The following NCOR2 variants were observed in gnomAD, a reference collection of about 807,000 sequenced individuals.
NCOR2 encodes the protein nuclear receptor corepressor 2.
In NCOR2, 81 loss-of-function variants were observed where a neutral mutation model predicts 262.9. That is an observed-to-expected ratio of 0.31 (90% CI 0.26 to 0.37). NCOR2 has a LOEUF of 0.37. Ranked by LOEUF, NCOR2 falls within the 10% of genes least tolerant of loss-of-function variation. The probability of loss-of-function intolerance (pLI) is 1.00; values close to 1 mark genes in which losing one functional copy is unlikely to be tolerated. For missense variants in NCOR2, 3,385 were observed against 3,621.4 expected, an observed-to-expected ratio of 0.93 and a Z score of 1.68; for synonymous variants, 1,659 against 1,559.3, an observed-to-expected ratio of 1.06 and a Z score of -1.51.
At chr12:124,415,233 T>C (rs1411579815) in intron 13 of NCOR2, among the ~76,000 whole-genome samples, 2 of 152,180 alleles carry the variant, frequency 1.3e-5, no homozygotes, top group African/African-American at 2.4e-5. Flanking sequence ...GCACCTCCCG[T>C]CCGTCACCGC....
intron 1 of NCOR2, among the ~76,000 whole-genome samples, chr12:124,550,798 C>T (rs1176861614): frequency 1.3e-5 from 2 of 152,324 alleles, no homozygotes; most frequent in East Asian, 3.9e-4. Context: ...CCCAGCAAAG[C>T]CCCCGTGGAG....
rs2045753325 is a variant in NCOR2 at position 124,454,909 on chromosome 12, C to T, written c.762+2197G>A. On this transcript the variant is annotated intron_variant, in intron 6 of 46. Transcript: ENST00000405201. The surrounding 1 kb of genome is among the most constrained non-coding windows in gnomAD (Gnocchi z 5.6). ...AAATATGCAAACAATCTCACGTCCACCGACTGATGAGTGGGTAAACAACAC... is the reference window on the plus strand; with the variant it reads ...AAATATGCAAACAATCTCACGTCCATCGACTGATGAGTGGGTAAACAACAC... Among the ~76,000 whole-genome samples, 1 of 152,168 alleles carries T rather than the reference C, an allele frequency of 6.6e-6. No homozygotes were observed. The highest frequency in any genetic ancestry group is 2.1e-4 in the South Asian group (1 of 4,826).
chr12:124,461,955 CAT>C (rs1196136727), intron 5 of NCOR2, among the ~76,000 whole-genome samples: 2 of 152,208 alleles, frequency 1.3e-5, no homozygotes, highest in Non-Finnish European at 2.9e-5. Context: ...CGCTTATACA[CAT>C]GTGCACACAG....
chr12:124,355,662 G>T (rs2037890517), intron 23 of NCOR2, 91 bp from the exon 26 acceptor site: 4 of 1,442,250 alleles, frequency 2.8e-6, no homozygotes, highest in Non-Finnish European at 3.6e-6. Context: ...CCTCTTCCCT[G>T]TCCTGGCCAG....
chr12:124,367,120 C>G (rs1488463441), intron 20 of NCOR2, among the ~76,000 whole-genome samples: 1 of 152,116 alleles, frequency 6.6e-6, no homozygotes, highest in African/African-American at 2.4e-5. Context: ...GCAGTCTGCC[C>G]GAGAGCTCGC....
In NCOR2 at chr12:124,517,626, G is replaced by A. The variant is rs1238382873; in HGVS notation, c.-118+17939C>T. On this transcript the variant is annotated intron_variant, in intron 1 of 46. Coordinates refer to the NCOR2 transcript ENST00000404621. This position sits in a 1 kb window ranked among gnomAD's most constrained non-coding sequence, Gnocchi z 7.6. ...GCCTCGGGAGCGCCCACGATCACAT[G>A]CCCTCCTGAAGTCAACTCCGGGAAC... Among the ~76,000 whole-genome samples the A allele has an allele frequency of 1.3e-5, 2 of 152,280 alleles. No homozygotes were observed. Among genetic ancestry groups the A allele is most frequent in the South Asian group, 4.1e-4 (2 of 4,826 alleles).
At chr12:124,358,605 A>G (rs1390614449) in intron 22 of NCOR2, among the ~76,000 whole-genome samples, 1 of 152,140 alleles carries the variant, frequency 6.6e-6, no homozygotes, top group Non-Finnish European at 1.5e-5. Context: ...GACACATTTT[A>G]CAGAGGGGAA....
chr12:124,440,569 T>C lies in NCOR2; in HGVS notation c.816-2573A>G, dbSNP rs949873352. Among the ~76,000 whole-genome samples the C allele has an allele frequency of 2.6e-5, 4 of 152,266 alleles. No homozygotes were observed. Among genetic ancestry groups the C allele is most frequent in the African/African-American group, 9.6e-5 (4 of 41,472 alleles). Reference sequence around the variant, plus strand: ...TCTATGGCATCGCAGCCTCATCTTCTGTTATTCAATAACTGTTTACTGAGC... The same window carrying C: ...TCTATGGCATCGCAGCCTCATCTTCCGTTATTCAATAACTGTTTACTGAGC... On this transcript the variant is annotated intron_variant, in intron 7 of 46. Transcript: ENST00000405201. The surrounding 1 kb of genome is among the most constrained non-coding windows in gnomAD (Gnocchi z 5.7).
chr12:124,390,339 G>A (rs1035708092), intron 16 of NCOR2, among the ~76,000 whole-genome samples: 2 of 152,208 alleles, frequency 1.3e-5, no homozygotes, highest in East Asian at 1.9e-4. Context: ...TGGGTCACTC[G>A]TGTGTGCCCC....
At position 124,374,254 on chromosome 12, in the gene NCOR2, T is replaced by C. The variant is rs1430243123; in HGVS notation, c.2218+159A>G. 2.6e-5 allele frequency among the ~76,000 whole-genome samples: 4 copies of C among 152,188 alleles called. No homozygotes were observed. The East Asian group carries it at 7.7e-4, about 29-fold the overall frequency. On this transcript the variant is annotated intron_variant, in intron 19 of 46. Transcript: ENST00000405201. ...CGGGACCAGCATGGGGAACAGCCAC[T>C]GTGCTGGGAAGGAAGCCCAGAGGCC...
rs199516198 is a variant in NCOR2 at position 124,333,211 on chromosome 12, G to A, written c.6674C>T (p.Pro2225Leu). ...GTGCCCTGGCTCCGTCATGCCCTCC[G>A]GTGGGGACACAGGTTCAATACCGTC... The change falls in exon 42 of 47, where the codon CCG (proline) becomes CTG (leucine). Residue 2225 changes from proline (P) to leucine (L), a missense_variant. Transcript: ENST00000405201. 3.0e-5 allele frequency: 49 copies of A among 1,612,958 alleles called. No individual in the cohort carries two copies. The highest frequency in any genetic ancestry group is 1.9e-4 in the African/African-American group (14 of 74,888).
exon 20 of NCOR2, chr12:124,372,279 C>A (rs1241596979): frequency 1.3e-6 from 2 of 1,560,306 alleles, no homozygotes; most frequent in Non-Finnish European, 8.7e-7. Context: ...CCACTGCCAG[C>A]TCCTCAGCCG....
rs2049915087 is a variant in NCOR2, at chr12:124,517,857, T to C, written c.-118+17708A>G. Among the ~76,000 whole-genome samples, 1 of 152,042 alleles carries C rather than the reference T, an allele frequency of 6.6e-6. No individual in the cohort carries two copies. Among genetic ancestry groups the C allele is most frequent in the Non-Finnish European group, 1.5e-5 (1 of 67,996 alleles). On this transcript the variant is annotated intron_variant, in intron 1 of 46. Transcript: ENST00000404621. This position sits in a 1 kb window ranked among gnomAD's most constrained non-coding sequence, Gnocchi z 7.6. ...TCCGATGAGACAGCCCTGCCCACCA[T>C]CCCGCTGAGCTCAGGGCCGACAACA... is the stretch of plus-strand genomic sequence containing the variant.
chr12:124,429,373 G>A (rs2043785473), intron 10 of NCOR2: 5 of 545,574 alleles, frequency 9.2e-6, no homozygotes, highest in Admixed American at 3.3e-5. Flanking sequence ...GGAGCGCCAG[G>A]GCCCTCCCTG....
At chr12:124,385,385 C>T (rs894447738) in intron 17 of NCOR2, among the ~76,000 whole-genome samples, 32 of 152,190 alleles carry the variant, frequency 2.1e-4, no homozygotes, top group Admixed American at 1.4e-3. Context: ...CATTCCAACG[C>T]GCTGACAGCC....
At chr12:124,449,842 G>A in exon 7 of NCOR2, 4 of 1,614,114 alleles carry the variant, frequency 2.5e-6, no homozygotes, top group Non-Finnish European at 3.4e-6. Context: ...ATACTGCCGG[G>A]TGTCGGAGGG....
chr12:124,369,400 C>CTGGAACA (rs2039301149), intron 20 of NCOR2, among the ~76,000 whole-genome samples: 1 of 152,116 alleles, frequency 6.6e-6, no homozygotes, highest in Non-Finnish European at 1.5e-5. Flanking sequence ...GAACACAGAG[C>CTGGAACA]TCCCCCACTG....
chr12:124,415,123 G>C (rs1228080467), intron 13 of NCOR2, among the ~76,000 whole-genome samples: 2 of 152,194 alleles, frequency 1.3e-5, no homozygotes, highest in African/African-American at 4.8e-5. Context: ...CAGCGGGGTA[G>C]TGGGTGGGGA....
intron 1 of NCOR2, among the ~76,000 whole-genome samples, chr12:124,530,884 T>C (rs144304562): frequency 8.1e-4 from 123 of 152,308 alleles, no homozygotes; most frequent in African/African-American, 2.9e-3. Flanking sequence ...AGGCCCACTG[T>C]GGACAGAGCT....
Sources: gnomAD v4.1 joint callset for allele counts (sites outside exome capture counted in the v4.1 genomes callset) on GRCh38, gnomAD v4.1.1 for gene constraint, Gnocchi (gnomAD v3.1) non-coding constraint, MANE v1.5 for transcripts, NCBI Gene and HGNC (gene_info 2026-07-23, HGNC 2026-07-21) for gene names.